PTGER3: variants seen among roughly 807,000 people sequenced by gnomAD.
PTGER3 encodes the protein prostaglandin E2 receptor EP3 subtype.
PTGER3 carries 22 observed loss-of-function variants against 34.7 expected under a neutral mutation model. The ratio of observed to expected loss-of-function variants is 0.63; its 90% CI spans 0.45 to 0.91. The LOEUF is 0.91. Ranked by LOEUF, PTGER3 falls within the 40% of genes least tolerant of loss-of-function variation. The pLI is 0.00. For missense variants in PTGER3, 468 were observed against 519.4 expected, an observed-to-expected ratio of 0.90 and a Z score of 0.96; for synonymous variants, 241 against 230.1, an observed-to-expected ratio of 1.05 and a Z score of -0.43.
chr1:70,901,909 T>G (rs1375434061), intron 4 of PTGER3, among the ~76,000 whole-genome samples: 1 of 152,088 alleles, frequency 6.6e-6, no homozygotes, highest in Non-Finnish European at 1.5e-5. Flanking sequence ...TTCAAAAATA[T>G]CAGCCTAAAT....
chr1:70,975,557 T>C (rs1191317804), intron 2 of PTGER3, among the ~76,000 whole-genome samples: 2 of 152,268 alleles, frequency 1.3e-5, no homozygotes, highest in African/African-American at 2.4e-5. Flanking sequence ...AGCACGGCCA[T>C]TTTAAGTGGC....
At chr1:70,967,197 GA>G (rs1212669936), downstream of PTGER3, among the ~76,000 whole-genome samples, 1 of 151,876 alleles carries the variant, frequency 6.6e-6, no homozygotes, top group Non-Finnish European at 1.5e-5. Context: ...TGTAAATAGA[GA>G]ATCAACTGCC....
intron 4 of PTGER3, among the ~76,000 whole-genome samples, chr1:70,912,200 A>G (rs999982147): frequency 6.6e-6 from 1 of 152,038 alleles, no homozygotes; most frequent in Non-Finnish European, 1.5e-5. Flanking sequence ...CTCAAAGTCT[A>G]CACAGCTTTG....
chr1:70,997,411 C>G (rs1047828977), intron 2 of PTGER3, among the ~76,000 whole-genome samples: 1 of 152,052 alleles, frequency 6.6e-6, no homozygotes, highest in African/African-American at 2.4e-5. Context: ...ATTTATTCTT[C>G]TGAAATATGT....
chr1:70,919,743 A>C (rs1647345215), intron 4 of PTGER3, among the ~76,000 whole-genome samples: 1 of 152,142 alleles, frequency 6.6e-6, no homozygotes, highest in African/African-American at 2.4e-5. Context: ...TGCTTACTGA[A>C]TCTGTATTTA....
intron 1 of PTGER3, among the ~76,000 whole-genome samples, chr1:71,020,413 A>G (rs923811783): frequency 2.6e-5 from 4 of 152,144 alleles, no homozygotes; most frequent in African/African-American, 7.2e-5. Context: ...TTATCTCTGA[A>G]CTTTATTAAA....
intron 1 of PTGER3, among the ~76,000 whole-genome samples, chr1:71,016,890 C>A (rs1435550554): frequency 2.0e-5 from 3 of 151,832 alleles, no homozygotes; most frequent in Non-Finnish European, 4.4e-5. Flanking sequence ...GGTTATTATT[C>A]CCTTCTTTGG....
chr1:70,892,239 C>T (rs557584256), intron 4 of PTGER3, among the ~76,000 whole-genome samples: 3 of 152,306 alleles, frequency 2.0e-5, no homozygotes, highest in African/African-American at 7.2e-5. Flanking sequence ...ATTCATTAAC[C>T]TCTCTGAGCT....
intron 1 of PTGER3, among the ~76,000 whole-genome samples, chr1:71,017,540 G>C (rs1557744872): frequency 1.3e-5 from 2 of 152,122 alleles, no homozygotes; most frequent in Admixed American, 6.5e-5. Flanking sequence ...CAGTGTTGGA[G>C]AAGGGGCTTG....
At position 71,046,924 on chromosome 1, in the gene PTGER3, C is replaced by G; in HGVS notation, c.654G>C (p.Gly218=). The change falls in exon 1 of 4, where the codon GGG becomes GGC. Residue 218 remains glycine (G), a synonymous_variant. Transcript: ENST00000306666. ...TGCCCCAGTTATGCGAAGAGCTAGTCCCGTTGCCCCCTCGCCCGGTGCTGA... is the reference window on the plus strand; with the variant it reads ...TGCCCCAGTTATGCGAAGAGCTAGTGCCGTTGCCCCCTCGCCCGGTGCTGA... ...CFISTGRGGN[G]TSSSHNWGNL... is the part of the protein sequence containing the mutation. 1 of 1,609,278 alleles carries G rather than the reference C, an allele frequency of 6.2e-7. No homozygotes were observed. Among genetic ancestry groups the G allele is most frequent in the Non-Finnish European group, 8.5e-7 (1 of 1,177,832 alleles).
chr1:70,873,955 T>C (rs1030901784), intron 4 of PTGER3, among the ~76,000 whole-genome samples: 10 of 152,152 alleles, frequency 6.6e-5, no homozygotes, highest in Non-Finnish European at 1.3e-4. Flanking sequence ...TTGTTTGGTC[T>C]CTTCTTAAAA....
chr1:70,988,195 T>C (rs1407530669), intron 2 of PTGER3, among the ~76,000 whole-genome samples: 2 of 152,206 alleles, frequency 1.3e-5, no homozygotes, highest in African/African-American at 2.4e-5. Flanking sequence ...TTATTCTTAA[T>C]AACATAGTAA....
intron 4 of PTGER3, among the ~76,000 whole-genome samples, chr1:70,913,517 C>T (rs1647106321): frequency 6.6e-6 from 1 of 151,806 alleles, no homozygotes. Flanking sequence ...ACTGGAATCT[C>T]CAGTAAATGC....
chr1:71,003,071 C>A (rs1246221794), intron 2 of PTGER3, among the ~76,000 whole-genome samples: 12 of 152,186 alleles, frequency 7.9e-5, no homozygotes, highest in Non-Finnish European at 1.8e-4. Context: ...TGCAAAAATA[C>A]ATGTCATTAA....
At chr1:70,892,214 G>A (rs2100282321) in intron 4 of PTGER3, among the ~76,000 whole-genome samples, 1 of 152,300 alleles carries the variant, frequency 6.6e-6, no homozygotes, top group South Asian at 2.1e-4. Context: ...CTTATGAGCT[G>A]TTGCTTTGGG....
chr1:70,882,517 C>A (rs901196771), intron 4 of PTGER3, among the ~76,000 whole-genome samples: 1 of 152,190 alleles, frequency 6.6e-6, no homozygotes, highest in Admixed American at 6.5e-5. Flanking sequence ...AATCTTATTT[C>A]TCCCAGACAC....
At chr1:70,914,330 T>A (rs982329172) in intron 4 of PTGER3, among the ~76,000 whole-genome samples, 9 of 151,860 alleles carry the variant, frequency 5.9e-5, no homozygotes, top group Non-Finnish European at 5.9e-5. Flanking sequence ...TTGATTGAGA[T>A]AACATGTGTA....
Position 70,935,921 on chromosome 1 carries a change from C to T in PTGER3, c.*23+17842G>A, listed in dbSNP as rs367736716. 1.3e-4 allele frequency among the ~76,000 whole-genome samples: 20 copies of T among 152,052 alleles called. No individual in the cohort carries two copies. The East Asian group carries it at 2.7e-3, about 21-fold the overall frequency. ...GGGAAAAGGGAATAGCAGGAAATTA[C>T]AAAAATGCATGGTCTTTTCACAGGG... is the stretch of plus-strand genomic sequence containing the variant. On this transcript the variant is annotated intron_variant, in intron 4 of 4. Transcript: ENST00000370931.
At chr1:70,868,171 T>A in intron 4 of PTGER3, among the ~76,000 whole-genome samples, 1 of 152,124 alleles carries the variant, frequency 6.6e-6, no homozygotes, top group Middle Eastern at 3.4e-3. Context: ...GTTTTTCCTA[T>A]CAACCATTTA....
Sources: allele counts gnomAD v4.1 joint callset (sites outside exome capture counted in the v4.1 genomes callset), GRCh38; gene constraint gnomAD v4.1.1; transcripts MANE v1.5; gene names NCBI Gene and HGNC (gene_info 2026-07-23, HGNC 2026-07-21).